The following TIPARP variants were observed in gnomAD, a reference collection of about 807,000 sequenced individuals.
The protein encoded by TIPARP is TCDD inducible poly(ADP-ribose) polymerase.
A neutral mutation model predicts 56.5 loss-of-function variants in TIPARP; 12 were observed. The ratio of observed to expected loss-of-function variants is 0.21; its 90% CI spans 0.14 to 0.34. TIPARP has a LOEUF of 0.34. Among genes scored for constraint, TIPARP ranks in the 10% least tolerant of loss-of-function variants. The pLI is 1.00. For missense variants in TIPARP, 604 were observed against 781.6 expected (o/e 0.77, Z 2.71); for synonymous variants, 296 against 265.7 (o/e 1.11, Z -1.11).
At chr3:156,679,633 A>C (rs191756401) in intron 2 of TIPARP, among the ~76,000 whole-genome samples, 2 of 152,340 alleles carry the variant, frequency 1.3e-5, no homozygotes, top group African/African-American at 4.8e-5. Context: ...GGAGGCCATG[A>C]AGGCAACCTA....
At chr3:156,698,019 C>G (rs574022604) in intron 4 of TIPARP, among the ~76,000 whole-genome samples, 3 of 152,206 alleles carry the variant, frequency 2.0e-5, no homozygotes, top group Non-Finnish European at 4.4e-5. Context: ...GAAAGTAAAA[C>G]AGCCTTCTTG....
At position 156,706,329 on chromosome 3, in the gene TIPARP, C is replaced by G. The variant is rs895520336; in HGVS notation, c.*1198C>G. ...ATTTACAAAAGTGAAAGTAGTTGTT[C>G]ACAAAAGAATTCGCCATGGAATTCT... On this transcript the variant is annotated 3_prime_UTR_variant, in exon 6 of 6. Transcript: ENST00000295924. 1.3e-5 allele frequency: 2 copies of G among 152,640 alleles called. No individual in the cohort carries two copies. The highest frequency in any genetic ancestry group is 2.9e-5 in the Non-Finnish European group (2 of 68,020). 9.5% of individuals were successfully genotyped at this position (152,640 alleles called of 1,614,324 possible). A position where few individuals can be genotyped will look rare whatever the true frequency, so the allele number is the denominator to read the frequency against.
chr3:156,704,562 A>G (rs1047143734), intron 5 of TIPARP, 122 bp from the exon 6 acceptor site: 5 of 966,016 alleles, frequency 5.2e-6, no homozygotes, highest in Middle Eastern at 4.8e-4. Context: ...AGGATCTTTG[A>G]TGGCATTTTG....
intron 3 of TIPARP, among the ~76,000 whole-genome samples, chr3:156,694,591 A>G (rs924664267): frequency 2.0e-5 from 3 of 152,220 alleles, no homozygotes; most frequent in Non-Finnish European, 4.4e-5. Flanking sequence ...TAGAAGCCCA[A>G]TGGAAACAAT....
rs1379507537 is a variant in TIPARP, at chr3:156,706,223, A to G, written c.*1092A>G. The stretch of plus-strand genomic sequence containing the variant: ...ATTGTGCCAGTGGTCCAGCTGGAGC[A>G]CAACGTTTGGTGAATATGCTGTTTC... On this transcript the variant is annotated 3_prime_UTR_variant, in exon 6 of 6. Coordinates refer to ENST00000295924, the MANE Select transcript of TIPARP (RefSeq NM_015508.5). 6.6e-6 allele frequency: 1 copy of G among 152,660 alleles called. No homozygotes were observed. Among genetic ancestry groups the G allele is most frequent in the Non-Finnish European group, 1.5e-5 (1 of 68,046 alleles). The allele number at this position is 152,660 out of a possible 1,614,324, so 9.5% of individuals were successfully genotyped here. A position where few individuals can be genotyped will look rare whatever the true frequency, so the allele number is the denominator to read the frequency against.
intron 2 of TIPARP, among the ~76,000 whole-genome samples, chr3:156,678,863 G>A (rs879512914): frequency 5.9e-5 from 9 of 152,156 alleles, no homozygotes; most frequent in Non-Finnish European, 1.3e-4. Context: ...CTGAGAAGTT[G>A]CACATACATT....
chr3:156,695,755 T>C, intron 3 of TIPARP, 110 bp from the exon 4 acceptor site: 7 of 1,398,400 alleles, frequency 5.0e-6, no homozygotes, highest in Non-Finnish European at 6.5e-6. Context: ...CACTGTACTT[T>C]ATTGAAATTC....
At chr3:156,696,146 C>A in intron 4 of TIPARP, 121 bp downstream of exon 4, 2 of 1,029,160 alleles carry the variant, frequency 1.9e-6, no homozygotes, top group South Asian at 3.4e-5. Context: ...ATGTGAAATT[C>A]CAAATTAGTC....
chr3:156,697,155 T>C (rs1266284824), intron 4 of TIPARP, among the ~76,000 whole-genome samples: 1 of 152,180 alleles, frequency 6.6e-6, no homozygotes, highest in African/African-American at 2.4e-5. Context: ...TCTTAAAAAA[T>C]TAGAACTAGT....
chr3:156,684,100 T>G (rs1030100328), intron 2 of TIPARP, among the ~76,000 whole-genome samples: 2 of 152,218 alleles, frequency 1.3e-5, no homozygotes, highest in Non-Finnish European at 2.9e-5. Context: ...AAAACATATT[T>G]CAAATTGCAA....
Position 156,705,344 on chromosome 3 carries a change from G to A in TIPARP, c.*213G>A. On this transcript the variant is annotated 3_prime_UTR_variant, in exon 6 of 6. Coordinates refer to ENST00000295924, the MANE Select transcript of TIPARP (RefSeq NM_015508.5). ...CTTTAATTATTTACTAATTGCTAGT[G>A]TACTCAGTGTGGAAAAGACTACAGA... 2 of 456,880 alleles carry A rather than the reference G, an allele frequency of 4.4e-6. No individual in the cohort carries two copies. Among genetic ancestry groups the A allele is most frequent in the Non-Finnish European group, 7.8e-6 (2 of 257,688 alleles). 28.3% of individuals were successfully genotyped at this position (456,880 alleles called of 1,614,324 possible).
At position 156,705,235 on chromosome 3, in the gene TIPARP, G is replaced by A; in HGVS notation, c.*104G>A. The A allele has an allele frequency of 1.2e-6, 1 of 808,166 alleles. No homozygotes were observed. Among genetic ancestry groups the A allele is most frequent in the Non-Finnish European group, 1.9e-6 (1 of 538,942 alleles). 50.1% of individuals were successfully genotyped at this position (808,166 alleles called of 1,614,324 possible). ...TGGGGAACAGCATTGGACATTAATA[G>A]GGCACTTTTCAGACCCATTTTTTAA... On this transcript the variant is annotated 3_prime_UTR_variant, in exon 6 of 6. Transcript: ENST00000295924.
chr3:156,694,854 A>G (rs1722671844), intron 3 of TIPARP, among the ~76,000 whole-genome samples: 1 of 152,170 alleles, frequency 6.6e-6, no homozygotes, highest in Non-Finnish European at 1.5e-5. Context: ...GACTTTTTCA[A>G]TTTAAGTTCA....
intron 1 of TIPARP, 170 bp downstream of exon 1, chr3:156,674,966 T>G (rs2108482846): frequency 6.6e-6 from 1 of 152,304 alleles, no homozygotes; most frequent in East Asian, 1.9e-4. Flanking sequence ...TTCACTCGGG[T>G]CCCGTCAGCA....
chr3:156,699,138 T>A (rs1048361308), intron 4 of TIPARP, among the ~76,000 whole-genome samples: 114 of 152,182 alleles, frequency 7.5e-4, no homozygotes, highest in African/African-American at 2.7e-3. Flanking sequence ...AGTGGTTTCT[T>A]GAGATGGAAT....
intron 1 of TIPARP, chr3:156,675,746 G>T (rs898684250): frequency 3.9e-5 from 6 of 152,202 alleles, no homozygotes; most frequent in Non-Finnish European, 8.8e-5. Flanking sequence ...AGTGCTTTTG[G>T]CCGGGAGTGC....
At chr3:156,701,691 A>G (rs972877172) in intron 4 of TIPARP, among the ~76,000 whole-genome samples, 2 of 152,164 alleles carry the variant, frequency 1.3e-5, no homozygotes, top group African/African-American at 4.8e-5. Context: ...GTACCAGAAA[A>G]ATGTATCAGT....
At chr3:156,691,744 A>C (rs1722581682) in intron 2 of TIPARP, among the ~76,000 whole-genome samples, 1 of 152,178 alleles carries the variant, frequency 6.6e-6, no homozygotes, top group African/African-American at 2.4e-5. Context: ...CAAAAAGATA[A>C]TTTAATGTTT....
In TIPARP at chr3:156,699,299, C is replaced by T. The variant is rs559897503; in HGVS notation, c.1247+3274C>T. Among the ~76,000 whole-genome samples the T allele has an allele frequency of 1.4e-3, 216 of 152,270 alleles. 2 individuals are homozygous for T. The highest frequency in any genetic ancestry group is 5.0e-3 in the African/African-American group (206 of 41,552). ...GGTAAAATGCTTTCAGATGGTACTG[C>T]ATGCAACAGAAATCTTTCATGAAAG... On this transcript the variant is annotated intron_variant, in intron 4 of 5. Transcript: ENST00000295924.
Sources: gnomAD v4.1 joint callset for allele counts (sites outside exome capture counted in the v4.1 genomes callset) on GRCh38, gnomAD v4.1.1 for gene constraint, MANE v1.5 for transcripts, NCBI Gene and HGNC (gene_info 2026-07-23, HGNC 2026-07-21) for gene names.